The following CNNM1 variants were observed in gnomAD, a reference collection of about 807,000 sequenced individuals.
The protein encoded by CNNM1 is cyclin and CBS domain divalent metal cation transport mediator 1.
CNNM1 carries 44 observed loss-of-function variants against 78.8 expected under a neutral mutation model. That is an observed-to-expected ratio of 0.56 (90% CI 0.44 to 0.72). The LOEUF (loss-of-function observed/expected upper bound fraction) is 0.72, where lower values mean the gene tolerates loss of function less well. Ranked by LOEUF, CNNM1 falls within the 30% of genes least tolerant of loss-of-function variation. The pLI is 0.00. For missense variants in CNNM1, 1,101 were observed against 1,292.2 expected (o/e 0.85, Z 2.27); for synonymous variants, 584 against 581.5 (o/e 1.00, Z -0.06).
intron 1 of CNNM1, among the ~76,000 whole-genome samples, chr10:99,341,051 A>G (rs2030437632): frequency 6.6e-6 from 1 of 152,136 alleles, no homozygotes; most frequent in Non-Finnish European, 1.5e-5. Context: ...AATTGTCCTA[A>G]GTGAGTTGAA....
chr10:99,340,955 A>G (rs2902272), intron 1 of CNNM1, among the ~76,000 whole-genome samples: 130,369 of 151,738 alleles, frequency 0.86, 56,284 homozygotes, highest in African/African-American at 0.93. Context: ...TAGGCACTGG[A>G]GATGCAGTGT....
chr10:99,370,186 A>G (rs2031753728), intron 6 of CNNM1, among the ~76,000 whole-genome samples: 1 of 152,106 alleles, frequency 6.6e-6, no homozygotes, highest in African/African-American at 2.4e-5. Context: ...AAGTGCTGAG[A>G]CTTCTGATCC....
intron 6 of CNNM1, among the ~76,000 whole-genome samples, chr10:99,365,488 C>T (rs142053362): frequency 0.019 from 2,859 of 152,278 alleles, 42 homozygotes; most frequent in Middle Eastern, 0.058. Context: ...GCCTCTCTTT[C>T]TTGGTTCTCC....
chr10:99,384,349 A>G (rs531774727), intron 7 of CNNM1, among the ~76,000 whole-genome samples: 1 of 152,144 alleles, frequency 6.6e-6, no homozygotes, highest in Non-Finnish European at 1.5e-5. Context: ...TTAAAAAAAA[A>G]TTTTTTTTAA....
chr10:99,341,774 G>A (rs1356270894), intron 1 of CNNM1, among the ~76,000 whole-genome samples: 2 of 152,156 alleles, frequency 1.3e-5, no homozygotes, highest in Admixed American at 6.5e-5. Flanking sequence ...CTAGGCAGCC[G>A]AAGATATTTG....
chr10:99,344,541 T>C (rs1470920640), intron 1 of CNNM1, among the ~76,000 whole-genome samples: 3 of 152,210 alleles, frequency 2.0e-5, no homozygotes, highest in African/African-American at 7.2e-5. Context: ...AAACTGTATA[T>C]AATAAGAAAA....
intron 6 of CNNM1, among the ~76,000 whole-genome samples, chr10:99,370,887 C>T (rs1456474707): frequency 6.6e-6 from 1 of 152,172 alleles, no homozygotes; most frequent in African/African-American, 2.4e-5. Flanking sequence ...AAAGAATTGT[C>T]ATTGTCTGAT....
At chr10:99,347,267 T>C (rs2030734690) in intron 1 of CNNM1, among the ~76,000 whole-genome samples, 1 of 151,870 alleles carries the variant, frequency 6.6e-6, no homozygotes, top group South Asian at 2.1e-4. Context: ...ACACCTGTAA[T>C]ACCAGCACTT....
At chr10:99,382,229 C>T (rs1181512736) in intron 7 of CNNM1, among the ~76,000 whole-genome samples, 2 of 152,166 alleles carry the variant, frequency 1.3e-5, no homozygotes, top group Non-Finnish European at 1.5e-5. Flanking sequence ...TAATAGTTAT[C>T]TGGGAAAGGT....
chr10:99,354,589 A>G (rs991193152), intron 1 of CNNM1, among the ~76,000 whole-genome samples: 28 of 152,178 alleles, frequency 1.8e-4, no homozygotes, highest in African/African-American at 6.8e-4. Flanking sequence ...TGCTAGTTAC[A>G]AGAAGTAGCA....
chr10:99,361,116 T>TTCC, intron 3 of CNNM1, 141 bp downstream of exon 3: 1 of 893,504 alleles, frequency 1.1e-6, no homozygotes, highest in East Asian at 2.8e-5. Flanking sequence ...GGAGGTTGCC[T>TTCC]TAGACAGGGT....
chr10:99,358,868 G>A (rs565872268), intron 2 of CNNM1, among the ~76,000 whole-genome samples: 71 of 151,906 alleles, frequency 4.7e-4, no homozygotes, highest in African/African-American at 1.1e-3. Flanking sequence ...GCGTGGTGAC[G>A]TGTGCCTGTA....
At chr10:99,377,907 G>T (rs1056448579) in intron 7 of CNNM1, among the ~76,000 whole-genome samples, 1 of 151,620 alleles carries the variant, frequency 6.6e-6, no homozygotes, top group East Asian at 1.9e-4. Context: ...ACTGGGATTG[G>T]CATTGCACAG....
intron 6 of CNNM1, among the ~76,000 whole-genome samples, chr10:99,368,959 C>A (rs1027611962): frequency 3.3e-5 from 5 of 152,152 alleles, no homozygotes; most frequent in Admixed American, 6.5e-5. Flanking sequence ...CCTCATTTGT[C>A]TGACTACAGA....
chr10:99,357,708 C>G, intron 2 of CNNM1, 53 bp downstream of exon 2: 1 of 1,491,828 alleles, frequency 6.7e-7, no homozygotes, highest in Non-Finnish European at 9.0e-7. Flanking sequence ...TCCTCCAAGA[C>G]TCTCAGGTAA....
At chr10:99,357,076 G>C (rs559591296) in intron 1 of CNNM1, among the ~76,000 whole-genome samples, 3 of 152,296 alleles carry the variant, frequency 2.0e-5, no homozygotes, top group African/African-American at 7.2e-5. Flanking sequence ...TTCTAGATGA[G>C]AGATGGTAAT....
intron 1 of CNNM1, among the ~76,000 whole-genome samples, chr10:99,356,512 A>AAAG (rs2031158614): frequency 1.6e-5 from 2 of 121,934 alleles, no homozygotes; most frequent in African/African-American, 6.2e-5. Context: ...GAGAGAGAGA[A>AAAG]AGAGAAAGAG....
chr10:99,364,400 CTTTTTTTT>C lies in CNNM1; in HGVS notation c.2029-12_2029-5del. 1 of 1,248,112 alleles carries C rather than the reference CTTTTTTTT, an allele frequency of 8.0e-7. No homozygotes were observed. Among genetic ancestry groups the C allele is most frequent in the Non-Finnish European group, 1.1e-6 (1 of 894,004 alleles). The allele number at this position is 1,248,112 out of a possible 1,614,324, so 77.3% of individuals were successfully genotyped here. ...CTCATACACATTCATAGTACACTTC[CTTTTTTTT>C]TTTTCCAGGGTAAAGTGGAGGTGGA... On this transcript the variant is annotated splice_polypyrimidine_tract_variant and intron_variant, in intron 4 of 10. Transcript: ENST00000356713.
At chr10:99,356,554 C>T (rs534753631) in intron 1 of CNNM1, among the ~76,000 whole-genome samples, 1 of 44,494 alleles carries the variant, frequency 2.2e-5, no homozygotes, top group African/African-American at 5.0e-5. Flanking sequence ...GACAGACAGA[C>T]AGACAGACAG....
Sources: allele counts gnomAD v4.1 joint callset (sites outside exome capture counted in the v4.1 genomes callset), GRCh38; gene constraint gnomAD v4.1.1; transcripts MANE v1.5; gene names NCBI Gene and HGNC (gene_info 2026-07-23, HGNC 2026-07-21).